PLVAP: variants seen among roughly 807,000 people sequenced by gnomAD.
PLVAP encodes plasmalemma vesicle associated protein.
PLVAP carries 34 observed loss-of-function variants against 43.1 expected under a neutral mutation model. That is an observed-to-expected ratio of 0.79 (90% confidence interval 0.60 to 1.05). PLVAP has a LOEUF of 1.05. Ranked by LOEUF, PLVAP falls within the 50% of genes least tolerant of loss-of-function variation. The pLI is 0.00. For synonymous variants in PLVAP, 241 were observed against 237.3 expected (o/e 1.02, Z -0.14); for missense variants, 574 against 593.4 (o/e 0.97, Z 0.34).
chr19:17,374,453 A>G (rs2074586676), intron 1 of PLVAP, among the ~76,000 whole-genome samples: 1 of 151,816 alleles, frequency 6.6e-6, no homozygotes, highest in South Asian at 2.1e-4. Flanking sequence ...TGAAAGAGTG[A>G]GACTCCATCT....
chr19:17,368,064 ATT>A (rs34115667), intron 1 of PLVAP, among the ~76,000 whole-genome samples: 10,343 of 75,866 alleles, frequency 0.14, 460 homozygotes, highest in African/African-American at 0.18. Context: ...TGCCCGGCTA[ATT>A]TTTTTTTTTT....
rs1202186468 is a variant in PLVAP, at chr19:17,354,372, G to A, written c.1323-2004C>T. 4.6e-5 allele frequency among the ~76,000 whole-genome samples: 7 copies of A among 152,036 alleles called. No homozygotes were observed. In the South Asian group the frequency reaches 6.2e-4, roughly 14 times the overall value. On this transcript the variant is annotated intron_variant, in intron 5 of 5. Transcript: ENST00000252590. ...AGCACTTTGGGAGACGGAGGTGGGC[G>A]GATCACCTGAGGTCAGGAGTTTAAG...
At chr19:17,361,423 C>T (rs533501529) in intron 3 of PLVAP, among the ~76,000 whole-genome samples, 14 of 152,226 alleles carry the variant, frequency 9.2e-5, no homozygotes, top group African/African-American at 2.2e-4. Context: ...CAGAGCTGGC[C>T]TACCCCTGTC....
intron 1 of PLVAP, among the ~76,000 whole-genome samples, chr19:17,366,583 T>C (rs925121898): frequency 7.9e-5 from 12 of 152,008 alleles, no homozygotes. Flanking sequence ...ACAACATGGA[T>C]GAACTTTAAA....
intron 1 of PLVAP, among the ~76,000 whole-genome samples, chr19:17,370,668 A>G (rs2074568513): frequency 6.6e-6 from 1 of 152,094 alleles, no homozygotes; most frequent in Non-Finnish European, 1.5e-5. Flanking sequence ...GCTGATGGGG[A>G]CGTGGGTTTT....
chr19:17,365,958 C>G lies in PLVAP; in HGVS notation c.507G>C (p.Glu169Asp). 2 of 1,613,946 alleles carry G rather than the reference C, an allele frequency of 1.2e-6. No individual in the cohort carries two copies. Among genetic ancestry groups the G allele is most frequent in the Non-Finnish European group, 1.7e-6 (2 of 1,179,934 alleles). The stretch of plus-strand genomic sequence containing the variant: ...TGGTCTTCTCCTTGGCTATCTCCAC[C>G]TCCAGCGTCTTCACCTTCTGATTCA... ...FMLNQKVKTL[E>D]VEIAKEKTIC... Residue 169 changes from glutamate (E) to aspartate (D), a missense_variant, in exon 3 of 6, where the codon GAG (glutamate) becomes GAC (aspartate). By Grantham distance (45) the Glu-to-Asp change is conservative. Coordinates refer to ENST00000252590, the MANE Select transcript of PLVAP (RefSeq NM_031310.3).
intron 5 of PLVAP, 78 bp from the exon 6 acceptor site, chr19:17,352,446 C>A: frequency 1.3e-6 from 2 of 1,510,442 alleles, no homozygotes; most frequent in Non-Finnish European, 1.8e-6. Flanking sequence ...CCTGGAGGCT[C>A]GTCCTCAGCG....
rs776250486 is a variant in PLVAP at position 17,374,796 on chromosome 19, TTGTATGTA to T, written c.369+2116_369+2123del. ...ATGTGCCACCATGCCTGACTAATTT[TTGTATGTA>T]TGTATGTATGTATGTATGTATGTAT... On this transcript the variant is annotated intron_variant, in intron 1 of 5. Coordinates refer to ENST00000252590, the MANE Select transcript of PLVAP (RefSeq NM_031310.3). Among the ~76,000 whole-genome samples the T allele has an allele frequency of 9.9e-5, 14 of 141,144 alleles. 1 individual carries two copies. Among genetic ancestry groups the T allele is most frequent in the Admixed American group, 4.2e-4 (6 of 14,184 alleles). 92.6% of individuals were successfully genotyped at this position (141,144 alleles called of 152,430 possible).
intron 3 of PLVAP, chr19:17,362,782 G>A (rs1488074221): frequency 6.6e-6 from 1 of 152,182 alleles, no homozygotes. Context: ...TCTAAAATCA[G>A]TGAAATCCTA....
chr19:17,365,935 G>A lies in PLVAP; in HGVS notation c.530C>T (p.Thr177Ile), dbSNP rs767588324. The A allele has an allele frequency of 1.9e-6, 3 of 1,614,014 alleles. No homozygotes were observed. The change falls in exon 3 of 6, where the codon ACC (threonine) becomes ATC (isoleucine). Residue 177 changes from threonine to isoleucine, a missense_variant. Thr to Ile is a moderately conservative substitution (Grantham distance 89). Coordinates refer to ENST00000252590, the MANE Select transcript of PLVAP (RefSeq NM_031310.3). The stretch of plus-strand genomic sequence containing the variant: ...GCTTTCCTTATCCTTAGTGCAAATG[G>A]TCTTCTCCTTGGCTATCTCCACCTC... ...TLEVEIAKEK[T>I]ICTKDKESVL...
chr19:17,366,281 G>T, intron 1 of PLVAP, 86 bp from the exon 2 acceptor site: 1 of 1,320,244 alleles, frequency 7.6e-7, no homozygotes, highest in Non-Finnish European at 1.1e-6. Flanking sequence ...GCACCCTGGT[G>T]GCCAGAGTGA....
chr19:17,371,545 G>C (rs111713187), intron 1 of PLVAP, among the ~76,000 whole-genome samples: 7,418 of 151,514 alleles, frequency 0.049, 338 homozygotes, highest in African/African-American at 0.12. Flanking sequence ...GCTGGAGTGT[G>C]GTGGTGTGAT....
At chr19:17,358,493 G>A (rs1372032123) in intron 5 of PLVAP, among the ~76,000 whole-genome samples, 1 of 152,106 alleles carries the variant, frequency 6.6e-6, no homozygotes, top group East Asian at 1.9e-4. Flanking sequence ...CTGAGCCTCG[G>A]GTCCTAAACT....
chr19:17,354,008 G>A (rs771471032), intron 5 of PLVAP, among the ~76,000 whole-genome samples: 139 of 152,160 alleles, frequency 9.1e-4, no homozygotes, highest in South Asian at 1.0e-3. Context: ...AAGCCCATAC[G>A]GCCGGGCGCG....
intron 1 of PLVAP, among the ~76,000 whole-genome samples, chr19:17,369,809 T>C (rs2074564631): frequency 6.6e-6 from 1 of 151,368 alleles, no homozygotes; most frequent in Non-Finnish European, 1.5e-5. Flanking sequence ...GAGACCAGCC[T>C]GGCCAACATG....
At chr19:17,366,494 G>T (rs2074550666) in intron 1 of PLVAP, among the ~76,000 whole-genome samples, 1 of 152,046 alleles carries the variant, frequency 6.6e-6, no homozygotes. Flanking sequence ...AAAATATAGT[G>T]GATGTTTGTC....
chr19:17,367,979 C>T (rs2074556799), intron 1 of PLVAP, among the ~76,000 whole-genome samples: 1 of 151,944 alleles, frequency 6.6e-6, no homozygotes, highest in South Asian at 2.1e-4. Context: ...CTCACTGCAA[C>T]CTCTGCCTCC....
rs1033672453 is a variant in PLVAP, at chr19:17,351,931, G to A, written c.*431C>T. 1 of 229,562 alleles carries A rather than the reference G, an allele frequency of 4.4e-6. No individual in the cohort carries two copies. The highest frequency in any genetic ancestry group is 8.8e-6 in the Non-Finnish European group (1 of 114,248). 14.2% of individuals were successfully genotyped at this position (229,562 alleles called of 1,614,324 possible). A position where few individuals can be genotyped will look rare whatever the true frequency, so the allele number is the denominator to read the frequency against. ...TCATCACCGTCTGTGTGATGCCATC[G>A]CCGCGTCTGTGTGACATTAATATGT... On this transcript the variant is annotated 3_prime_UTR_variant, in exon 6 of 6. Coordinates refer to ENST00000252590, the MANE Select transcript of PLVAP (RefSeq NM_031310.3).
At chr19:17,373,911 C>T (rs1428975058) in intron 1 of PLVAP, among the ~76,000 whole-genome samples, 2 of 152,168 alleles carry the variant, frequency 1.3e-5, no homozygotes, top group Non-Finnish European at 2.9e-5. Context: ...CCTGTAATCT[C>T]AACACTTTGG....
Sources: gnomAD v4.1 joint callset for allele counts (sites outside exome capture counted in the v4.1 genomes callset) on GRCh38, gnomAD v4.1.1 for gene constraint, MANE v1.5 for transcripts, NCBI Gene and HGNC (gene_info 2026-07-23, HGNC 2026-07-21) for gene names.